Variants in ARHGAP39 observed in about 807,000 individuals in gnomAD.
ARHGAP39 encodes the protein Rho GTPase activating protein 39, also known as rho GTPase-activating protein 39.
In ARHGAP39, 44 loss-of-function variants were observed where a neutral mutation model predicts 106.9. The ratio of observed to expected loss-of-function variants is 0.41; its 90% CI spans 0.32 to 0.53. The LOEUF is 0.53. Ranked by LOEUF, ARHGAP39 falls within the 20% of genes least tolerant of loss-of-function variation. The pLI, the probability that ARHGAP39 is intolerant of heterozygous loss-of-function variation, is 0.21. For synonymous variants in ARHGAP39, 768 were observed against 693.2 expected (o/e 1.11, Z -1.69); for missense variants, 1,496 against 1,577.3 (o/e 0.95, Z 0.87).
In ARHGAP39 at chr8:144,585,863, C is replaced by T. The variant is rs910380601; in HGVS notation, c.81-4586G>A. On this transcript the variant is annotated intron_variant, in intron 2 of 11. Transcript: ENST00000377307. The surrounding 1 kb of genome is among the most constrained non-coding windows in gnomAD (Gnocchi z 4.6). ...ATGGCAACTGTTGAAAGGGGCTGGA[C>T]GGGTGCCCTGCCTTCCCCCTGGAGC... 2.6e-5 allele frequency among the ~76,000 whole-genome samples: 4 copies of T among 152,210 alleles called. No individual in the cohort carries two copies. The highest frequency in any genetic ancestry group is 4.4e-5 in the Non-Finnish European group (3 of 68,018).
chr8:144,575,154 C>G (rs547096939), intron 3 of ARHGAP39, among the ~76,000 whole-genome samples: 44 of 152,332 alleles, frequency 2.9e-4, no homozygotes, highest in Admixed American at 5.2e-4. Flanking sequence ...GTACTGGGCA[C>G]TTACCAGGAA....
At chr8:144,541,463 C>A (rs542491320) in intron 6 of ARHGAP39, among the ~76,000 whole-genome samples, 1 of 152,228 alleles carries the variant, frequency 6.6e-6, no homozygotes, top group Non-Finnish European at 1.5e-5. Context: ...CATTGTTGTA[C>A]AACTATCACC....
intron 3 of ARHGAP39, among the ~76,000 whole-genome samples, chr8:144,560,065 C>T (rs1021283903): frequency 6.6e-6 from 1 of 152,214 alleles, no homozygotes; most frequent in Non-Finnish European, 1.5e-5. Flanking sequence ...TTATACATAT[C>T]TTCTATGACT....
intron 6 of ARHGAP39, among the ~76,000 whole-genome samples, chr8:144,538,868 G>A (rs545740932): frequency 6.6e-6 from 1 of 152,272 alleles, no homozygotes; most frequent in East Asian, 1.9e-4. Context: ...ACTGCGCCCG[G>A]CCTACTTATG....
At chr8:144,650,005 T>C (rs1172032758) in intron 1 of ARHGAP39, among the ~76,000 whole-genome samples, 2 of 151,980 alleles carry the variant, frequency 1.3e-5, no homozygotes, top group Non-Finnish European at 2.9e-5. Context: ...CAGCCGGGCA[T>C]GGTGGTGCAC....
Position 144,548,433 on chromosome 8 carries a change from G to C in ARHGAP39, c.653C>G (p.Ala218Gly), listed in dbSNP as rs1233863451. 1 of 1,610,874 alleles carries C rather than the reference G, an allele frequency of 6.2e-7. No homozygotes were observed. The highest frequency in any genetic ancestry group is 2.2e-5 in the East Asian group (1 of 44,864). The change falls in exon 5 of 12, where the codon GCT becomes GGT. Residue 218 changes from alanine (A) to glycine (G), a missense_variant. By Grantham distance (60) the Ala-to-Gly change is moderately conservative. Coordinates refer to ENST00000377307, the MANE Select transcript of ARHGAP39 (RefSeq NM_025251.3). The surrounding 1 kb of genome is among the most constrained non-coding windows in gnomAD (Gnocchi z 7.4). ...GAKERMLIKVADREPSFLAAQ... is the reference protein window; with the variant it reads ...GAKERMLIKVGDREPSFLAAQ... ...GGCGAGGAAGCTGGGCTCCCGATCA[G>C]CGACCTTGATGAGCATGCGCTCTTT...
intron 3 of ARHGAP39, among the ~76,000 whole-genome samples, chr8:144,559,087 A>T (rs1818048118): frequency 6.6e-6 from 1 of 152,116 alleles, no homozygotes; most frequent in Non-Finnish European, 1.5e-5. Context: ...GGGCACCTGT[A>T]GTCCCAGCTA....
Position 144,619,827 on chromosome 8 carries a change from AGT to A in ARHGAP39, c.-81-14134_-81-14133del, listed in dbSNP as rs545061550. Reference sequence around the variant, plus strand: ...GTGTGTGTGAGCTTGTGTCCCTGAGAGTGTGTGTGCCCATGTGCGAGCTTGTG... The same window carrying A: ...GTGTGTGTGAGCTTGTGTCCCTGAGAGTGTGTGCCCATGTGCGAGCTTGTG... On this transcript the variant is annotated intron_variant, in intron 1 of 11. Coordinates refer to ENST00000377307, the MANE Select transcript of ARHGAP39 (RefSeq NM_025251.3). 2.1e-3 allele frequency among the ~76,000 whole-genome samples: 291 copies of A among 135,442 alleles called. 2 individuals are homozygous for A. Among genetic ancestry groups the A allele is most frequent in the South Asian group, 0.01 (42 of 4,190 alleles). The allele number at this position is 135,442 out of a possible 152,430, so 88.9% of individuals were successfully genotyped here.
chr8:144,595,111 C>G (rs999746545), intron 2 of ARHGAP39, among the ~76,000 whole-genome samples: 2 of 152,132 alleles, frequency 1.3e-5, no homozygotes. Context: ...CCAAGAGAAA[C>G]GAAAACGTCT....
At chr8:144,601,999 C>CTG (rs200029201) in intron 2 of ARHGAP39, among the ~76,000 whole-genome samples, 2 of 123,598 alleles carry the variant, frequency 1.6e-5, no homozygotes, top group South Asian at 2.7e-4. Flanking sequence ...GCTCATGTAC[C>CTG]TGTGTGTGTG....
chr8:144,543,880 C>T (rs1380558423), intron 6 of ARHGAP39: 1 of 152,350 alleles, frequency 6.6e-6, no homozygotes, highest in East Asian at 1.9e-4. Flanking sequence ...TGCCTACTCT[C>T]GGGGGTACCC....
At chr8:144,555,370 G>A (rs938926663) in intron 4 of ARHGAP39, among the ~76,000 whole-genome samples, 190 bp downstream of exon 4, 2 of 152,210 alleles carry the variant, frequency 1.3e-5, no homozygotes, top group African/African-American at 4.8e-5. Flanking sequence ...GACAGGGGCT[G>A]CCAATGGGCC....
At chr8:144,601,109 CATG>C (rs1209681639) in intron 2 of ARHGAP39, among the ~76,000 whole-genome samples, 1 of 131,046 alleles carries the variant, frequency 7.6e-6, no homozygotes, top group African/African-American at 3.0e-5. Flanking sequence ...TGTGTGACCT[CATG>C]TACCTGTGTG....
At chr8:144,593,760 C>T (rs1053849314) in intron 2 of ARHGAP39, among the ~76,000 whole-genome samples, 2 of 151,930 alleles carry the variant, frequency 1.3e-5, no homozygotes, top group African/African-American at 4.8e-5. Flanking sequence ...ACTGCACTCC[C>T]GTCTGCGCAA....
rs1334771312 is a variant in ARHGAP39 at position 144,534,196 on chromosome 8, G to A, written c.2621C>T (p.Ala874Val). ...ACAGTACTTGGCATACGTGCTTATC[G>A]CCACCCCTGGAAAGGAAAGGGGCCT... is the stretch of plus-strand genomic sequence containing the variant. The part of the protein sequence containing the change: ...KPYVEEPDGV[A>V]ISTYAKYCYH... Residue 874 changes from alanine to valine, a missense_variant, in exon 8 of 12, where the codon GCG becomes GTG. Physicochemically the swap from Ala to Val is moderately conservative, Grantham distance 64. Around this residue, in one of 4 missense-constraint regions of ARHGAP39, gnomAD observed 470 missense variants for 605.1 expected, o/e 0.78. Transcript: ENST00000377307. 16 of 1,613,402 alleles carry A rather than the reference G, an allele frequency of 9.9e-6. No homozygotes were observed. The highest frequency in any genetic ancestry group is 1.4e-5 in the Non-Finnish European group (16 of 1,179,810).
At chr8:144,598,126 C>T (rs569939274) in intron 2 of ARHGAP39, among the ~76,000 whole-genome samples, 4 of 152,320 alleles carry the variant, frequency 2.6e-5, no homozygotes, top group African/African-American at 9.6e-5. Context: ...CCAGAGGGCG[C>T]CCGGCATGGC....
upstream of ARHGAP39, among the ~76,000 whole-genome samples, chr8:144,687,755 C>T (rs913447767): frequency 1.5e-5 from 2 of 129,038 alleles, no homozygotes; most frequent in Non-Finnish European, 3.2e-5. Context: ...TGAGCACTTC[C>T]CACCCCTGTG....
At chr8:144,631,095 C>T (rs528950951) in intron 1 of ARHGAP39, among the ~76,000 whole-genome samples, 27 of 152,304 alleles carry the variant, frequency 1.8e-4, no homozygotes, top group African/African-American at 6.5e-4. Flanking sequence ...CTGCTGCCCA[C>T]GTTTAAATGA....
intron 1 of ARHGAP39, among the ~76,000 whole-genome samples, chr8:144,667,900 T>A (rs1056392801): frequency 3.3e-5 from 5 of 152,242 alleles, no homozygotes; most frequent in African/African-American, 1.2e-4. Flanking sequence ...GCAACATTTA[T>A]CTTCAAAACA....
Sources: allele counts gnomAD v4.1 joint callset (sites outside exome capture counted in the v4.1 genomes callset), GRCh38; gene constraint gnomAD v4.1.1; regional missense constraint gnomAD v4.1.1; non-coding constraint Gnocchi (gnomAD v3.1); transcripts MANE v1.5; gene names NCBI Gene and HGNC (gene_info 2026-07-23, HGNC 2026-07-21).